Variants in RTTN observed in about 807,000 individuals in gnomAD.
RTTN encodes the protein rotatin.
In RTTN, 182 loss-of-function variants were observed where a neutral mutation model predicts 269.2. The ratio of observed to expected loss-of-function variants is 0.68; its 90% CI spans 0.60 to 0.76. The LOEUF (loss-of-function observed/expected upper bound fraction) is 0.76. Ranked by LOEUF, RTTN falls within the 30% of genes least tolerant of loss-of-function variation. RTTN has a pLI of 0.00. For missense variants in RTTN, 2,545 were observed against 2,608.6 expected, an observed-to-expected ratio of 0.98 and a Z score of 0.53; for synonymous variants, 1,006 against 963.5, an observed-to-expected ratio of 1.04 and a Z score of -0.82.
intron 36 of RTTN, 66 bp from the exon 37 acceptor site, chr18:70,057,898 T>C: frequency 8.5e-7 from 1 of 1,175,828 alleles, no homozygotes. Flanking sequence ...GATTAAGAAA[T>C]CAGAATTTGA....
Position 70,054,155 on chromosome 18 carries a change from T to G in RTTN, c.5161A>C (p.Thr1721Pro). 12 of 1,613,204 alleles carry G rather than the reference T, an allele frequency of 7.4e-6. No individual in the cohort carries two copies. The highest frequency in any genetic ancestry group is 1.0e-5 in the Non-Finnish European group (12 of 1,179,266). ...CCTAATACATCTTTGGTACATATGG[T>G]GAGAATTCCAATGATATTGGTGATA... ...PLITNIIGIL[T>P]ICTKDVLDKE... Residue 1721 changes from threonine (T) to proline (P), a missense_variant, in exon 38 of 49, where the codon ACC becomes CCC. Coordinates refer to ENST00000640769, the MANE Select transcript of RTTN (RefSeq NM_173630.4).
At chr18:70,196,279 T>C (rs887838141) in intron 7 of RTTN, among the ~76,000 whole-genome samples, 3 of 133,094 alleles carry the variant, frequency 2.3e-5, no homozygotes, top group African/African-American at 7.5e-5. Context: ...AAACACCTTG[T>C]AAATATCTCT....
intron 4 of RTTN, among the ~76,000 whole-genome samples, chr18:70,200,883 T>A (rs1193103515): frequency 6.6e-6 from 1 of 152,250 alleles, no homozygotes; most frequent in Non-Finnish European, 1.5e-5. Context: ...GGAGGATTCA[T>A]TCATTCCTTC....
chr18:70,095,540 T>C (rs1212476484), intron 28 of RTTN, among the ~76,000 whole-genome samples: 1 of 152,202 alleles, frequency 6.6e-6, no homozygotes, highest in Non-Finnish European at 1.5e-5. Context: ...AAGGATTTTC[T>C]CCTTCGCTTT....
At chr18:70,099,618 C>A (rs372010380) in intron 28 of RTTN, among the ~76,000 whole-genome samples, 1 of 152,118 alleles carries the variant, frequency 6.6e-6, no homozygotes, top group Non-Finnish European at 1.5e-5. Flanking sequence ...GCTTTTGTTG[C>A]CATTGCTTTT....
intron 46 of RTTN, 57 bp from the exon 47 acceptor site, chr18:70,006,541 T>C: frequency 7.8e-7 from 1 of 1,284,912 alleles, no homozygotes; most frequent in Non-Finnish European, 1.1e-6. Context: ...ATTGTATTCT[T>C]ATCTTGGACT....
intron 23 of RTTN, among the ~76,000 whole-genome samples, chr18:70,134,033 T>C (rs1047651868): frequency 2.0e-5 from 3 of 152,122 alleles, no homozygotes; most frequent in African/African-American, 7.2e-5. Flanking sequence ...TGGGATCATA[T>C]TGTAGCAGTT....
intron 34 of RTTN, among the ~76,000 whole-genome samples, chr18:70,070,302 C>A (rs553160004): frequency 2.4e-4 from 36 of 152,218 alleles, no homozygotes; most frequent in Non-Finnish European, 4.0e-4. Context: ...TCTGGATAAT[C>A]CACAGGTAGC....
At chr18:70,045,749 A>G (rs1475425956) in intron 40 of RTTN, among the ~76,000 whole-genome samples, 1 of 152,218 alleles carries the variant, frequency 6.6e-6, no homozygotes, top group Admixed American at 6.5e-5. Flanking sequence ...AACAGATGTC[A>G]TGTATCCAAA....
chr18:70,145,905 C>A, intron 17 of RTTN, 122 bp from the exon 18 acceptor site: 1 of 572,062 alleles, frequency 1.7e-6, no homozygotes, highest in Admixed American at 3.4e-5. Context: ...ATTATACTGC[C>A]ATTACTAGTA....
chr18:70,205,103 T>A, intron 2 of RTTN, 25 bp downstream of exon 2: 1 of 1,598,930 alleles, frequency 6.3e-7, no homozygotes, highest in Non-Finnish European at 8.5e-7. Flanking sequence ...GTCTGATTAT[T>A]TTCTTTATTT....
chr18:70,193,406 C>T lies in RTTN; in HGVS notation c.889G>A (p.Gly297Ser), dbSNP rs778157173. Residue 297 changes from glycine to serine, a missense_variant, in exon 8 of 49, where the codon GGT becomes AGT. Transcript: ENST00000640769. ...GAAGGATTCTGGGAATGATGAGTAC[C>T]TCTTGCTTCATGACAATAAGACAAA... ...SSLSYCHEAR[G>S]THHSQNPSPG... 5.0e-6 allele frequency: 8 copies of T among 1,593,812 alleles called. No homozygotes were observed. The African/African-American group carries it at 8.2e-5, about 16-fold the overall frequency.
At chr18:70,099,151 T>A (rs1409475446) in intron 28 of RTTN, among the ~76,000 whole-genome samples, 1 of 152,192 alleles carries the variant, frequency 6.6e-6, no homozygotes, top group Non-Finnish European at 1.5e-5. Context: ...TAGTTCTAGA[T>A]CCTTAAGGAA....
At chr18:70,089,469 G>A (rs1182392989) in intron 30 of RTTN, among the ~76,000 whole-genome samples, 2 of 152,118 alleles carry the variant, frequency 1.3e-5, no homozygotes, top group Non-Finnish European at 2.9e-5. Context: ...CCCAGACAAT[G>A]GTATTTTGTT....
intron 26 of RTTN, among the ~76,000 whole-genome samples, chr18:70,118,782 T>C (rs1290255113): frequency 3.3e-5 from 5 of 152,134 alleles, no homozygotes; most frequent in Non-Finnish European, 5.9e-5. Context: ...TGGTTCAACA[T>C]ACACAAATGC....
intron 14 of RTTN, among the ~76,000 whole-genome samples, chr18:70,154,656 TAC>T (rs2060626502): frequency 6.6e-6 from 1 of 152,182 alleles, no homozygotes; most frequent in Admixed American, 6.5e-5. Flanking sequence ...TAAACCCTTC[TAC>T]TTTCTTCCCT....
At chr18:70,060,586 C>T (rs2057954364) in intron 35 of RTTN, among the ~76,000 whole-genome samples, 2 of 152,150 alleles carry the variant, frequency 1.3e-5, no homozygotes, top group African/African-American at 4.8e-5. Context: ...TCACCTCAAA[C>T]ATTTACCATT....
At chr18:70,163,254 C>T (rs1280510729) in intron 14 of RTTN, among the ~76,000 whole-genome samples, 2 of 151,568 alleles carry the variant, frequency 1.3e-5, no homozygotes, top group Admixed American at 6.6e-5. Context: ...TGGTGATGCA[C>T]GCCTGTAGTC....
chr18:70,022,804 C>T (rs1010967946), intron 44 of RTTN, among the ~76,000 whole-genome samples: 1 of 152,176 alleles, frequency 6.6e-6, no homozygotes, highest in African/African-American at 2.4e-5. Context: ...ATCTCATTGG[C>T]TGCTCCTTCT....
Sources: allele counts gnomAD v4.1 joint callset (sites outside exome capture counted in the v4.1 genomes callset), GRCh38; gene constraint gnomAD v4.1.1; transcripts MANE v1.5; gene names NCBI Gene and HGNC (gene_info 2026-07-23, HGNC 2026-07-21).